The following ADAMTSL3 variants were observed in gnomAD, a reference collection of about 807,000 sequenced individuals.
ADAMTSL3 encodes the protein ADAMTS-like protein 3.
ADAMTSL3 carries 128 observed loss-of-function variants against 201.7 expected under a neutral mutation model. The observed-to-expected ratio is 0.63, with a 90% confidence interval of 0.55 to 0.73. ADAMTSL3 has a LOEUF of 0.73. Ranked by LOEUF, ADAMTSL3 falls within the 30% of genes least tolerant of loss-of-function variation. ADAMTSL3 has a pLI of 0.00. For missense variants in ADAMTSL3, 1,990 were observed against 2,119.6 expected (o/e 0.94, Z 1.20); for synonymous variants, 738 against 748.4 (o/e 0.99, Z 0.23).
intron 3 of ADAMTSL3, among the ~76,000 whole-genome samples, chr15:83,765,125 G>A (rs986508711): frequency 6.6e-6 from 1 of 152,218 alleles, no homozygotes; most frequent in East Asian, 1.9e-4. Context: ...TTTCTCAACA[G>A]TACCTAGCAC....
intron 5 of ADAMTSL3, among the ~76,000 whole-genome samples, chr15:83,805,642 T>C (rs1430085230): frequency 6.6e-6 from 1 of 152,186 alleles, no homozygotes; most frequent in Non-Finnish European, 1.5e-5. Flanking sequence ...AAACATTTCC[T>C]GGTTATCAGT....
At chr15:83,770,795 C>G (rs1176555092) in intron 3 of ADAMTSL3, among the ~76,000 whole-genome samples, 2 of 152,132 alleles carry the variant, frequency 1.3e-5, no homozygotes. Flanking sequence ...ACACGCCGGG[C>G]ATGGTGGCTC....
At chr15:83,936,554 A>C (rs986955153) in intron 17 of ADAMTSL3, among the ~76,000 whole-genome samples, 1 of 151,030 alleles carries the variant, frequency 6.6e-6, no homozygotes, top group African/African-American at 2.5e-5. Context: ...GTTATGCTAT[A>C]AAAACCCTGG....
At chr15:83,664,896 C>T (rs1357960655) in intron 2 of ADAMTSL3, among the ~76,000 whole-genome samples, 2 of 152,132 alleles carry the variant, frequency 1.3e-5, no homozygotes, top group Non-Finnish European at 2.9e-5. Flanking sequence ...GGGAGGGTCG[C>T]TTAAGCCCAG....
chr15:83,970,354 G>C, intron 19 of ADAMTSL3, 130 bp from the exon 20 acceptor site: 1 of 1,010,510 alleles, frequency 9.9e-7, no homozygotes, highest in African/African-American at 1.6e-5. Flanking sequence ...TCAAGCCTAG[G>C]AAATGGCTTT....
chr15:83,719,677 G>A (rs1448903582), intron 3 of ADAMTSL3, among the ~76,000 whole-genome samples: 7 of 152,162 alleles, frequency 4.6e-5, no homozygotes, highest in African/African-American at 7.2e-5. Flanking sequence ...ATGGGTACTT[G>A]GGGTTCATTA....
At chr15:83,970,057 A>T (rs1041207030) in intron 19 of ADAMTSL3, among the ~76,000 whole-genome samples, 1 of 152,200 alleles carries the variant, frequency 6.6e-6, no homozygotes, top group Non-Finnish European at 1.5e-5. Context: ...AGTTCTTTGT[A>T]TATCAATTAT....
At chr15:83,904,670 A>C (rs1294654764) in intron 15 of ADAMTSL3, among the ~76,000 whole-genome samples, 1 of 152,222 alleles carries the variant, frequency 6.6e-6, no homozygotes, top group Non-Finnish European at 1.5e-5. Flanking sequence ...GAATGTGTTG[A>C]CAGTTGATAT....
intron 15 of ADAMTSL3, among the ~76,000 whole-genome samples, chr15:83,904,026 C>T (rs971704695): frequency 3.3e-5 from 5 of 151,128 alleles, no homozygotes; most frequent in Non-Finnish European, 7.4e-5. Context: ...CCTTTTCTGT[C>T]AGCCCCACCT....
chr15:83,741,519 T>C (rs1452646128), intron 3 of ADAMTSL3, among the ~76,000 whole-genome samples: 1 of 152,160 alleles, frequency 6.6e-6, no homozygotes, highest in African/African-American at 2.4e-5. Flanking sequence ...ATACTTAGTA[T>C]TGAAACATTT....
intron 3 of ADAMTSL3, among the ~76,000 whole-genome samples, chr15:83,750,132 A>G (rs1383477168): frequency 1.3e-5 from 2 of 152,224 alleles, no homozygotes; most frequent in African/African-American, 4.8e-5. Flanking sequence ...TTTGAAGCCA[A>G]TGAATTATGG....
intron 3 of ADAMTSL3, among the ~76,000 whole-genome samples, chr15:83,734,379 A>C (rs2062335778): frequency 6.6e-6 from 1 of 152,148 alleles, no homozygotes; most frequent in African/African-American, 2.4e-5. Context: ...ATCATGATCT[A>C]AAACAAAACC....
At chr15:83,980,333 A>G (rs1347134373) in intron 20 of ADAMTSL3, among the ~76,000 whole-genome samples, 1 of 152,168 alleles carries the variant, frequency 6.6e-6, no homozygotes, top group East Asian at 1.9e-4. Context: ...CTATGGCCAG[A>G]CACATTCTGT....
At chr15:83,789,029 T>C (rs1169123437) in intron 4 of ADAMTSL3, among the ~76,000 whole-genome samples, 1 of 152,176 alleles carries the variant, frequency 6.6e-6, no homozygotes, top group Non-Finnish European at 1.5e-5. Context: ...CAGGTTGGTC[T>C]CAAACTCCTG....
chr15:83,751,684 T>C (rs1347971439), intron 3 of ADAMTSL3, among the ~76,000 whole-genome samples: 1 of 152,206 alleles, frequency 6.6e-6, no homozygotes, highest in East Asian at 1.9e-4. Flanking sequence ...AACCCTTTGA[T>C]GCAGCATCTT....
At chr15:83,975,724 A>G (rs2067275511) in intron 20 of ADAMTSL3, among the ~76,000 whole-genome samples, 1 of 152,132 alleles carries the variant, frequency 6.6e-6, no homozygotes, top group South Asian at 2.1e-4. Flanking sequence ...GAAGGAGAGC[A>G]GTGTGGATAA....
rs756422828 is a variant in ADAMTSL3, at chr15:84,036,889, G to A, written c.4871G>A (p.Cys1624Tyr). ...GGTTTCCAGTCTCGGAAAGTCGACT[G>A]TATCCACACAAGGAGTTGCAAACCT... ...GRGFQSRKVDCIHTRSCKPVA... is the reference protein window; with the variant it reads ...GRGFQSRKVDYIHTRSCKPVA... The change falls in exon 29 of 30, where the codon TGT becomes TAT. Residue 1624 changes from cysteine (C) to tyrosine (Y), a missense_variant. Transcript: ENST00000286744. 2.5e-6 allele frequency: 4 copies of A among 1,614,144 alleles called. No homozygotes were observed. The highest frequency in any genetic ancestry group is 3.4e-6 in the Non-Finnish European group (4 of 1,180,028).
intron 7 of ADAMTSL3, among the ~76,000 whole-genome samples, chr15:83,854,859 C>G (rs970537831): frequency 6.6e-6 from 1 of 152,152 alleles, no homozygotes; most frequent in Non-Finnish European, 1.5e-5. Context: ...CAAAATGTAG[C>G]CAGTGGGAGC....
At position 83,913,377 on chromosome 15, in the gene ADAMTSL3, AG is replaced by A. The variant is rs1347461301; in HGVS notation, c.1987+1del. The A allele has an allele frequency of 6.2e-7, 1 of 1,612,252 alleles. No individual in the cohort carries two copies. The highest frequency in any genetic ancestry group is 1.1e-5 in the South Asian group (1 of 90,996). On this transcript the variant is annotated frameshift_variant and splice_region_variant, in exon 16 of 30. Transcript: ENST00000286744. LOFTEE classifies it high-confidence loss of function. Reference protein sequence around the residue: ...FTPCTATCVGGHQEAIAVCLH... With the variant: ...FTPCTATCVGXHQEAIAVCLH... ...CCCCTTGCACAGCAACATGCGTGGG[AG>A]GTATTTGAACCTTTGCTTAAGGGAC...
Sources: gnomAD v4.1 joint callset for allele counts (sites outside exome capture counted in the v4.1 genomes callset) on GRCh38, gnomAD v4.1.1 for gene constraint, MANE v1.5 for transcripts, NCBI Gene and HGNC (gene_info 2026-07-23, HGNC 2026-07-21) for gene names.